The following FCRL5 variants were observed in gnomAD, a reference collection of about 807,000 sequenced individuals.
FCRL5 encodes the protein Fc receptor-like protein 5.
FCRL5 carries 79 observed loss-of-function variants against 92.1 expected under a neutral mutation model. That is an observed-to-expected ratio of 0.86 (90% confidence interval 0.72 to 1.03). The LOEUF (loss-of-function observed/expected upper bound fraction) is 1.03, where lower values mean the gene tolerates loss of function less well. Ranked by LOEUF, FCRL5 falls within the 50% of genes least tolerant of loss-of-function variation. FCRL5 has a pLI of 0.00. For missense variants in FCRL5, 1,160 were observed against 1,181.1 expected, an observed-to-expected ratio of 0.98 and a Z score of 0.26; for synonymous variants, 466 against 469.3, an observed-to-expected ratio of 0.99 and a Z score of 0.09.
chr1:157,545,365 T>C (rs1407541585), intron 3 of FCRL5, among the ~76,000 whole-genome samples: 1 of 152,138 alleles, frequency 6.6e-6, no homozygotes, highest in Non-Finnish European at 1.5e-5. Flanking sequence ...TCATGCGTAT[T>C]TCTTTTATGG....
At position 157,517,635 on chromosome 1, in the gene FCRL5, C is replaced by G. The variant is rs1649988318; in HGVS notation, c.2812+794G>C. Among the ~76,000 whole-genome samples the G allele has an allele frequency of 1.3e-5, 2 of 152,132 alleles. 1 individual carries two copies. The highest frequency in any genetic ancestry group is 4.1e-4 in the South Asian group (2 of 4,826). On this transcript the variant is annotated intron_variant, in intron 15 of 16. Transcript: ENST00000361835. ...GATGGGCCTCCAGGGAGGAACACAG[C>G]CCTGCCAACACCATGATTTTAGCCC...
At position 157,521,047 on chromosome 1, in the gene FCRL5, G is replaced by T. The variant is rs767780880; in HGVS notation, c.2485C>A (p.Arg829Ser). Residue 829 changes from arginine to serine, a missense_variant, in exon 11 of 17, where the codon CGC becomes AGC. Arg to Ser is a moderately radical substitution (Grantham distance 110). Coordinates refer to ENST00000361835, the MANE Select transcript of FCRL5 (RefSeq NM_031281.3). Reference protein sequence around the residue: ...CEADNGLGAQRSETVTLYITG... With the variant: ...CEADNGLGAQSSETVTLYITG... ...ATATAAAGTGTCACTGTCTCACTGC[G>T]CTGGGCCCCGAGGCCATTGTCGGCC... The T allele has an allele frequency of 6.2e-6, 10 of 1,613,122 alleles. No individual in the cohort carries two copies. The highest frequency in any genetic ancestry group is 8.5e-6 in the Non-Finnish European group (10 of 1,179,624).
chr1:157,552,345 T>C lies in FCRL5; in HGVS notation c.18A>G (p.Ile6Met). 8 of 1,613,976 alleles carry C rather than the reference T, an allele frequency of 5.0e-6. No individual in the cohort carries two copies. The highest frequency in any genetic ancestry group is 6.8e-6 in the Non-Finnish European group (8 of 1,179,966). Reference sequence around the variant, plus strand: ...CCTTTTACTCACCCAGGACCAGTAATATCACCCACAGCAGCATGAAGACCT... The same window carrying C: ...CCTTTTACTCACCCAGGACCAGTAACATCACCCACAGCAGCATGAAGACCT... MLLWV[I>M]LLVLAPVSGQ... The change falls in exon 1 of 17, where the codon ATA (isoleucine) becomes ATG (methionine). Residue 6 changes from isoleucine (I) to methionine (M), a missense_variant. Coordinates refer to ENST00000361835, the MANE Select transcript of FCRL5 (RefSeq NM_031281.3).
chr1:157,534,212 A>G (rs1307526981), intron 8 of FCRL5: 14 of 531,960 alleles, frequency 2.6e-5, no homozygotes, highest in Non-Finnish European at 3.9e-5. Context: ...CAAATCTACC[A>G]TAAGATTGGA....
chr1:157,529,405 A>G (rs1650584619), intron 8 of FCRL5, among the ~76,000 whole-genome samples: 1 of 152,232 alleles, frequency 6.6e-6, no homozygotes, highest in Non-Finnish European at 1.5e-5. Flanking sequence ...TTAAAGAACT[A>G]AAAGTAGAAC....
chr1:157,539,925 T>G (rs1651170901), intron 6 of FCRL5, among the ~76,000 whole-genome samples: 1 of 152,202 alleles, frequency 6.6e-6, no homozygotes. Flanking sequence ...TTCCTTTTTC[T>G]CCATATCTTC....
chr1:157,520,548 C>A lies in FCRL5; in HGVS notation c.2516-1G>T. ...GGGCCACTTCTGTTCGCGGTCAGCC[C>A]TGAGGGGGAGACCCTGTGTGTGAGC... On this transcript the variant is annotated splice_acceptor_variant, in intron 11 of 16. Coordinates refer to ENST00000361835, the MANE Select transcript of FCRL5 (RefSeq NM_031281.3). LOFTEE classifies it high-confidence loss of function. The A allele has an allele frequency of 6.3e-7, 1 of 1,583,512 alleles. No homozygotes were observed.
At chr1:157,552,230 GTCTC>G in intron 1 of FCRL5, 98 bp downstream of exon 1, 1 of 1,140,210 alleles carries the variant, frequency 8.8e-7, no homozygotes, top group South Asian at 1.2e-5. Context: ...GTAGGAGAGA[GTCTC>G]TCAGCAGGGG....
rs924032985 is a variant in FCRL5 at position 157,514,745 on chromosome 1, T to C, written c.*930A>G. 3 of 152,342 alleles carry C rather than the reference T, an allele frequency of 2.0e-5. No individual in the cohort carries two copies. Among genetic ancestry groups the C allele is most frequent in the Admixed American group, 2.0e-4 (3 of 15,286 alleles). 9.4% of individuals were successfully genotyped at this position (152,342 alleles called of 1,614,324 possible). On this transcript the variant is annotated 3_prime_UTR_variant, in exon 17 of 17. Transcript: ENST00000361835. Reference sequence around the variant, plus strand: ...ACATGAAAGTGTGAGAAGCCCTTCCTCTTGCTGAACAGTTTCCTCATCCAA... The same window carrying C: ...ACATGAAAGTGTGAGAAGCCCTTCCCCTTGCTGAACAGTTTCCTCATCCAA...
intron 11 of FCRL5, among the ~76,000 whole-genome samples, 185 bp downstream of exon 11, chr1:157,520,832 C>A (rs1183863078): frequency 1.3e-5 from 2 of 152,228 alleles, no homozygotes; most frequent in Non-Finnish European, 2.9e-5. Context: ...GCCCGCCAAC[C>A]CGCGCTCTCA....
At chr1:157,529,202 C>T (rs1453007603) in intron 8 of FCRL5, among the ~76,000 whole-genome samples, 6 of 151,996 alleles carry the variant, frequency 3.9e-5, no homozygotes, top group Non-Finnish European at 8.8e-5. Flanking sequence ...AACATGTAAA[C>T]GTGCTCATCA....
At position 157,546,924 on chromosome 1, in the gene FCRL5, G is replaced by A. The variant is rs375753004; in HGVS notation, c.307+19C>T. 2.4e-5 allele frequency: 38 copies of A among 1,604,808 alleles called. No homozygotes were observed. The highest frequency in any genetic ancestry group is 2.0e-4 in the Admixed American group (12 of 59,064). On this transcript the variant is annotated intron_variant, in intron 3 of 16. Transcript: ENST00000361835. ...CTGAATTGATTTCTAAAGTTGGTGCGTCTTTCACGCTCTCTCACCTGAAGA... is the reference window on the plus strand; with the variant it reads ...CTGAATTGATTTCTAAAGTTGGTGCATCTTTCACGCTCTCTCACCTGAAGA...
Position 157,543,024 on chromosome 1 carries a change from T to A in FCRL5, c.958A>T (p.Arg320Trp). Reference sequence around the variant, plus strand: ...AGGGGGACACCCTCATGATAAAACCTGTACAAAGTGCGCAGAGAATCTTCC... The same window carrying A: ...AGGGGGACACCCTCATGATAAAACCAGTACAAAGTGCGCAGAGAATCTTCC... ...TQEDSLRTLY[R>W]FYHEGVPLRH... Residue 320 changes from arginine to tryptophan, a missense_variant, in exon 6 of 17, where the codon AGG becomes TGG. Transcript: ENST00000361835. 6.2e-7 allele frequency: 1 copy of A among 1,614,208 alleles called. No individual in the cohort carries two copies.
intron 5 of FCRL5, 97 bp from the exon 6 acceptor site, chr1:157,543,234 C>G: frequency 8.2e-7 from 1 of 1,223,456 alleles, no homozygotes; most frequent in South Asian, 1.5e-5. Context: ...AGTCTCCACC[C>G]TTAACTTGCT....
At position 157,547,001 on chromosome 1, in the gene FCRL5, G is replaced by A. The variant is rs1389554457; in HGVS notation, c.249C>T (p.Tyr83=). The A allele has an allele frequency of 6.2e-7, 1 of 1,614,066 alleles. No individual in the cohort carries two copies. The highest frequency in any genetic ancestry group is 8.5e-7 in the Non-Finnish European group (1 of 1,180,030). The change falls in exon 3 of 17, where the codon TAC becomes TAT. Residue 83 remains tyrosine (Y), a synonymous_variant. Coordinates refer to ENST00000361835, the MANE Select transcript of FCRL5 (RefSeq NM_031281.3). The stretch of plus-strand genomic sequence containing the variant: ...GAGGGGAGCCCTGGGCCTGGCATCT[G>A]TACTCTCCAGATTCCTGAACCTCAA... ...NILEVQESGE[Y]RCQAQGSPLS...
At chr1:157,549,362 C>T (rs1240996901) in intron 2 of FCRL5, among the ~76,000 whole-genome samples, 198 bp downstream of exon 2, 12 of 151,874 alleles carry the variant, frequency 7.9e-5, no homozygotes, top group Non-Finnish European at 5.9e-5. Flanking sequence ...GTGCAGCGCA[C>T]CAACATGGCA....
Position 157,535,943 on chromosome 1 carries a change from G to GTTTTTTTTT in FCRL5, c.1403-1060_1403-1052dup, listed in dbSNP as rs60191062. On this transcript the variant is annotated intron_variant, in intron 7 of 16. Coordinates refer to ENST00000361835, the MANE Select transcript of FCRL5 (RefSeq NM_031281.3). ...GGCTAAATTCACTGGATGTGACTCAGTTTTTTTTTTTTTTTTGAGATGGAG... is the reference window on the plus strand; with the variant it reads ...GGCTAAATTCACTGGATGTGACTCAGTTTTTTTTTTTTTTTTTTTTTTTTTGAGATGGAG... 8.3e-3 allele frequency among the ~76,000 whole-genome samples: 751 copies of GTTTTTTTTT among 89,972 alleles called. 94 individuals carry two copies. The highest frequency in any genetic ancestry group is 0.025 in the African/African-American group (669 of 26,516). The allele number at this position is 89,972 out of a possible 152,430, so 59.0% of individuals were successfully genotyped here.
chr1:157,520,670 G>A, intron 11 of FCRL5, 123 bp from the exon 12 acceptor site: 2 of 702,656 alleles, frequency 2.8e-6, no homozygotes, highest in Admixed American at 2.7e-5. Flanking sequence ...CAGCTAAGCA[G>A]GGGCTGGTGT....
intron 8 of FCRL5, chr1:157,533,976 A>G (rs1442807297): frequency 2.5e-5 from 4 of 160,118 alleles, no homozygotes; most frequent in African/African-American, 9.6e-5. Context: ...GATTCAAGTA[A>G]AAACAGAAGC....
Sources: allele counts gnomAD v4.1 joint callset (sites outside exome capture counted in the v4.1 genomes callset), GRCh38; gene constraint gnomAD v4.1.1; transcripts MANE v1.5; gene names NCBI Gene and HGNC (gene_info 2026-07-23, HGNC 2026-07-21).